SMARCA2: variants seen among roughly 807,000 people sequenced by gnomAD.
SMARCA2 encodes SWI/SNF-related matrix-associated actin-dependent regulator of chromatin subfamily A member 2.
Under a neutral mutation model 199.8 loss-of-function variants are expected in SMARCA2, and 61 were observed. The observed-to-expected ratio is 0.31, with a 90% CI of 0.25 to 0.38. The LOEUF is 0.38. SMARCA2 is among the 10% of genes least tolerant of loss of function. The pLI, the probability that SMARCA2 is intolerant of heterozygous loss-of-function variation, is 1.00. For missense variants in SMARCA2, 1,344 were observed against 2,012.2 expected (o/e 0.67, Z 6.35); for synonymous variants, 935 against 732.0 (o/e 1.28, Z -4.48).
intron 1 of SMARCA2, among the ~76,000 whole-genome samples, chr9:2,019,852 A>T (rs1008212579): frequency 6.6e-6 from 1 of 151,540 alleles, no homozygotes; most frequent in Non-Finnish European, 1.5e-5. Flanking sequence ...CTTCCTTTGT[A>T]AACAAGGCCT....
chr9:2,088,552 T>C lies in SMARCA2; in HGVS notation c.2822T>C (p.Val941Ala). Reference protein sequence around the residue: ...TILIIRRLHKVLRPFLLRRLK... With the variant: ...TILIIRRLHKALRPFLLRRLK... ...TTGATCATCAGGCGTCTACATAAGGTGTTAAGACCATTTTTACTAAGGAGA... is the reference window on the plus strand; with the variant it reads ...TTGATCATCAGGCGTCTACATAAGGCGTTAAGACCATTTTTACTAAGGAGA... Residue 941 changes from valine to alanine, a missense_variant, in exon 19 of 34, where the codon GTG becomes GCG. Transcript: ENST00000349721. The C allele has an allele frequency of 1.3e-6, 2 of 1,598,124 alleles. No homozygotes were observed. The highest frequency in any genetic ancestry group is 1.2e-5 in the South Asian group (1 of 86,146).
rs767476566 is a variant in SMARCA2 at position 2,116,083 on chromosome 9, A to G, written c.3684+34A>G. 8 of 1,477,766 alleles carry G rather than the reference A, an allele frequency of 5.4e-6. No homozygotes were observed. In the African/African-American group the frequency reaches 1.1e-4, roughly 21 times the overall value. 91.5% of individuals were successfully genotyped at this position (1,477,766 alleles called of 1,614,324 possible). A position where few individuals can be genotyped will look rare whatever the true frequency, so the allele number is the denominator to read the frequency against. ...GAAAACCCCAAGTTTATGAAATCAA[A>G]CAGTGGCCTTTTGTCTCTGAAGGAC... On this transcript the variant is annotated intron_variant, in intron 25 of 33. Transcript: ENST00000349721.
At chr9:2,181,724 A>C (rs1827036098) in intron 30 of SMARCA2, 48 bp downstream of exon 30, 1 of 993,136 alleles carries the variant, frequency 1.0e-6, no homozygotes, top group Non-Finnish European at 1.6e-6. Context: ...ATAAAGGAGC[A>C]GTGTAAAGTC....
intron 28 of SMARCA2, among the ~76,000 whole-genome samples, chr9:2,166,549 G>T (rs1189473470): frequency 6.6e-6 from 1 of 152,096 alleles, no homozygotes; most frequent in East Asian, 1.9e-4. Context: ...TGTAGTTCCA[G>T]CCTTACTACT....
At chr9:2,091,165 G>C (rs1822038187) in intron 19 of SMARCA2, among the ~76,000 whole-genome samples, 1 of 152,144 alleles carries the variant, frequency 6.6e-6, no homozygotes, top group South Asian at 2.1e-4. Flanking sequence ...CAAATGAAGA[G>C]TTGTGTTAAC....
rs185385883 is a variant in SMARCA2 at position 2,170,856 on chromosome 9, T to C, written c.4253+384T>C. On this transcript the variant is annotated intron_variant, in intron 29 of 33. Transcript: ENST00000349721. This position sits in a 1 kb window ranked among gnomAD's most constrained non-coding sequence, Gnocchi z 4.7. Reference sequence around the variant, plus strand: ...GTGCTGTCTTGGTTTAGAAGCTTAATGCGAAGCACCTGTAGTGACTTGATC... The same window carrying C: ...GTGCTGTCTTGGTTTAGAAGCTTAACGCGAAGCACCTGTAGTGACTTGATC... 1.3e-5 allele frequency among the ~76,000 whole-genome samples: 2 copies of C among 152,342 alleles called. No homozygotes were observed. The highest frequency in any genetic ancestry group is 3.9e-4 in the East Asian group (2 of 5,186).
chr9:2,078,923 C>T (rs1821444239), intron 14 of SMARCA2, among the ~76,000 whole-genome samples: 1 of 151,582 alleles, frequency 6.6e-6, no homozygotes, highest in South Asian at 2.1e-4. Context: ...CCAGCCTCGG[C>T]AACAGAGTGA....
At position 2,161,224 on chromosome 9, in the gene SMARCA2, GAAGAA is replaced by G. The variant is rs1397338805; in HGVS notation, c.3982-458_3982-454del. Reference sequence around the variant, plus strand: ...TCATGAATAAATTGATGCAAAACCTGAAGAAAAGGTCAAAGCTTATATGATCGTGT... The same window carrying G: ...TCATGAATAAATTGATGCAAAACCTGAAGGTCAAAGCTTATATGATCGTGT... On this transcript the variant is annotated intron_variant, in intron 27 of 33. Transcript: ENST00000349721. This position sits in a 1 kb window ranked among gnomAD's most constrained non-coding sequence, Gnocchi z 4.7. Among the ~76,000 whole-genome samples, 5 of 152,150 alleles carry G rather than the reference GAAGAA, an allele frequency of 3.3e-5. No homozygotes were observed. Among genetic ancestry groups the G allele is most frequent in the Non-Finnish European group, 2.9e-5 (2 of 68,014 alleles).
At chr9:2,154,790 A>G (rs1394625060) in intron 27 of SMARCA2, among the ~76,000 whole-genome samples, 1 of 152,232 alleles carries the variant, frequency 6.6e-6, no homozygotes, top group African/African-American at 2.4e-5. Flanking sequence ...GTGAGCATTA[A>G]AACTATATTA....
intron 1 of SMARCA2, among the ~76,000 whole-genome samples, chr9:2,025,405 G>T (rs1167936944): frequency 1.3e-5 from 2 of 152,114 alleles, no homozygotes; most frequent in African/African-American, 2.4e-5. Context: ...GGAACAGGTC[G>T]TTCTTTTCTG....
chr9:2,137,527 C>T (rs901024574), intron 27 of SMARCA2, among the ~76,000 whole-genome samples: 1 of 152,136 alleles, frequency 6.6e-6, no homozygotes, highest in African/African-American at 2.4e-5. Flanking sequence ...CTGTCTCCTC[C>T]TTGTCCCAAT....
chr9:2,119,611 C>A lies in SMARCA2; in HGVS notation c.3762+76C>A. On this transcript the variant is annotated intron_variant, in intron 26 of 33. Coordinates refer to ENST00000349721, the MANE Select transcript of SMARCA2 (RefSeq NM_003070.5). The surrounding 1 kb of genome is among the most constrained non-coding windows in gnomAD (Gnocchi z 4.6). ...TTTCTGTTAAGCAGAATGTCTGCAG[C>A]CTGCGTGCCTGGCAGAACTTCATAC... 1 of 982,568 alleles carries A rather than the reference C, an allele frequency of 1.0e-6. No homozygotes were observed. The highest frequency in any genetic ancestry group is 1.6e-6 in the Non-Finnish European group (1 of 622,518). The allele number at this position is 982,568 out of a possible 1,614,324, so 60.9% of individuals were successfully genotyped here.
chr9:2,140,325 T>C (rs921984847), intron 27 of SMARCA2, among the ~76,000 whole-genome samples: 15 of 152,194 alleles, frequency 9.9e-5, no homozygotes, highest in Non-Finnish European at 2.9e-5. Context: ...ACTGATGTCA[T>C]GGTATATCAT....
At chr9:2,047,778 G>T (rs1819937190) in intron 5 of SMARCA2, 2 of 203,074 alleles carry the variant, frequency 9.8e-6, no homozygotes, top group South Asian at 3.8e-4. Flanking sequence ...ATGACGGAGG[G>T]GCTGGGACGC....
intron 1 of SMARCA2, among the ~76,000 whole-genome samples, chr9:2,021,163 A>ATTTTAGAAACT (rs1818584550): frequency 1.3e-5 from 2 of 152,326 alleles, no homozygotes; most frequent in African/African-American, 4.8e-5. Flanking sequence ...AAGCAGTAAT[A>ATTTTAGAAACT]TTTTAGAAAC....
chr9:2,059,042 C>G (rs1174743016), intron 8 of SMARCA2, among the ~76,000 whole-genome samples: 1 of 152,112 alleles, frequency 6.6e-6, no homozygotes, highest in African/African-American at 2.4e-5. Flanking sequence ...TACATTTGCA[C>G]TGTTATTTTT....
rs181384103 is a variant in SMARCA2 at position 2,175,162 on chromosome 9, G to C, written c.4253+4690G>C. 1.5e-3 allele frequency among the ~76,000 whole-genome samples: 228 copies of C among 152,268 alleles called. 1 individual carries two copies. The highest frequency in any genetic ancestry group is 3.4e-3 in the Middle Eastern group (1 of 294). ...GTCATCACATTTAGTCAGATGGGCA[G>C]TGGAGTTCTGTACCTGCACCCACTG... is the stretch of plus-strand genomic sequence containing the variant. On this transcript the variant is annotated intron_variant, in intron 29 of 33. Coordinates refer to ENST00000349721, the MANE Select transcript of SMARCA2 (RefSeq NM_003070.5).
chr9:2,084,001 TG>T, intron 16 of SMARCA2, 84 bp from the exon 17 acceptor site: 1 of 707,774 alleles, frequency 1.4e-6, no homozygotes. Context: ...GTCACATGTC[TG>T]GGCATCATTA....
At chr9:2,062,091 A>G (rs1379265098) in intron 9 of SMARCA2, among the ~76,000 whole-genome samples, 2 of 152,236 alleles carry the variant, frequency 1.3e-5, no homozygotes, top group Non-Finnish European at 2.9e-5. Flanking sequence ...AGTGAGGAAC[A>G]TATACGTAAG....
Sources: gnomAD v4.1 joint callset for allele counts (sites outside exome capture counted in the v4.1 genomes callset) on GRCh38, gnomAD v4.1.1 for gene constraint, Gnocchi (gnomAD v3.1) non-coding constraint, MANE v1.5 for transcripts, NCBI Gene and HGNC (gene_info 2026-07-23, HGNC 2026-07-21) for gene names.